MACROD2: variants seen among roughly 807,000 people sequenced by gnomAD.
MACROD2 encodes ADP-ribose glycohydrolase MACROD2.
Under a neutral mutation model 70.4 loss-of-function variants are expected in MACROD2, and 36 were observed. That is an observed-to-expected ratio of 0.51 (90% CI 0.39 to 0.68). The LOEUF (loss-of-function observed/expected upper bound fraction) is 0.68, where lower values mean the gene tolerates loss of function less well. Among genes scored for constraint, MACROD2 ranks in the 30% least tolerant of loss-of-function variants. The pLI is 0.00. For missense variants in MACROD2, 496 were observed against 538.4 expected (o/e 0.92, Z 0.78); for synonymous variants, 172 against 178.8 (o/e 0.96, Z 0.30).
chr20:15,914,071 T>A (rs1462381989), intron 10 of MACROD2, among the ~76,000 whole-genome samples: 5 of 152,210 alleles, frequency 3.3e-5, no homozygotes, highest in Non-Finnish European at 7.3e-5. Context: ...GTAGTGGACA[T>A]GGTAATAAAA....
rs3827082 is a variant in MACROD2 at position 15,894,658 on chromosome 20, T to C, written c.775+8847T>C. Reference sequence around the variant, plus strand: ...AAGGAGGAATATTTCCTACTGACAATGAAGAGTAGAAATAGCATGTGTACT... The same window carrying C: ...AAGGAGGAATATTTCCTACTGACAACGAAGAGTAGAAATAGCATGTGTACT... On this transcript the variant is annotated intron_variant, in intron 10 of 17. Transcript: ENST00000684519. Among the ~76,000 whole-genome samples the C allele has an allele frequency of 4.6e-5, 7 of 152,284 alleles. No individual in the cohort carries two copies. The East Asian group carries it at 1.4e-3, about 29-fold the overall frequency.
At chr20:14,283,990 T>G (rs6079381) in intron 3 of MACROD2, among the ~76,000 whole-genome samples, 134,859 of 152,256 alleles carry the variant, frequency 0.89, 59,957 homozygotes, top group Non-Finnish European at 0.92. Flanking sequence ...TGGGAATTTT[T>G]ATCATTGTCA....
At chr20:14,757,056 C>A (rs1221495983) in intron 5 of MACROD2, among the ~76,000 whole-genome samples, 1 of 152,128 alleles carries the variant, frequency 6.6e-6, no homozygotes, top group African/African-American at 2.4e-5. Context: ...ATTACCCAAT[C>A]TCAGATATTT....
chr20:15,821,188 G>A (rs2063934642), intron 8 of MACROD2, among the ~76,000 whole-genome samples: 1 of 151,866 alleles, frequency 6.6e-6, no homozygotes. Context: ...TTAAAGCATT[G>A]CTTGTCTTCA....
chr20:14,089,566 C>T lies in MACROD2; in HGVS notation c.271+3838C>T, dbSNP rs536886025. Among the ~76,000 whole-genome samples the T allele has an allele frequency of 3.3e-5, 5 of 152,192 alleles. No individual in the cohort carries two copies. The East Asian group carries it at 9.6e-4, about 29-fold the overall frequency. On this transcript the variant is annotated intron_variant, in intron 3 of 17. Transcript: ENST00000684519. Reference sequence around the variant, plus strand: ...AAAGTGTTTTTTGAACTACCTTAACCTCTTTAAATGTGACCCAGGGTGGAC... The same window carrying T: ...AAAGTGTTTTTTGAACTACCTTAACTTCTTTAAATGTGACCCAGGGTGGAC...
At chr20:14,157,047 T>G (rs2055113311) in intron 3 of MACROD2, among the ~76,000 whole-genome samples, 1 of 152,216 alleles carries the variant, frequency 6.6e-6, no homozygotes, top group African/African-American at 2.4e-5. Flanking sequence ...GTTCCAATTC[T>G]TGAAAGAAAC....
chr20:14,327,177 A>G (rs1301034926), intron 3 of MACROD2: 2 of 1,613,646 alleles, frequency 1.2e-6, no homozygotes, highest in Non-Finnish European at 1.7e-6. Flanking sequence ...TTTCTTGCAA[A>G]TGTAACTCTT....
In MACROD2 at chr20:14,789,460, ATTTTTTTTTTT is replaced by A. The variant is rs3045609; in HGVS notation, c.418+104523_418+104533del. On this transcript the variant is annotated intron_variant, in intron 5 of 17. Coordinates refer to ENST00000684519, the MANE Select transcript of MACROD2 (RefSeq NM_001351661.2). Reference sequence around the variant, plus strand: ...CTTGTGGATTAATCAGGTAGTGCAAATTTTTTTTTTTTTTTTTTTTTTTTTTTTTTTTGAGA... The same window carrying A: ...CTTGTGGATTAATCAGGTAGTGCAAATTTTTTTTTTTTTTTTTTTTTGAGA... 2.3e-4 allele frequency among the ~76,000 whole-genome samples: 11 copies of A among 48,362 alleles called. No homozygotes were observed. The East Asian group carries it at 4.1e-3, about 18-fold the overall frequency. The allele number at this position is 48,362 out of a possible 152,430, so 31.7% of individuals were successfully genotyped here. A position where few individuals can be genotyped will look rare whatever the true frequency, so the allele number is the denominator to read the frequency against.
At chr20:15,927,978 A>G (rs1252339864) in intron 10 of MACROD2, among the ~76,000 whole-genome samples, 2 of 152,216 alleles carry the variant, frequency 1.3e-5, no homozygotes, top group Admixed American at 6.5e-5. Flanking sequence ...ACTGTGAACT[A>G]AAGAGACACA....
At position 15,062,740 on chromosome 20, in the gene MACROD2, T is replaced by A. The variant is rs144581102; in HGVS notation, c.419-167200T>A. Reference sequence around the variant, plus strand: ...ACAACAGTGAACAAAGCAGATCAAGTTCTTGACCTCACAGAGCTTTGATTC... The same window carrying A: ...ACAACAGTGAACAAAGCAGATCAAGATCTTGACCTCACAGAGCTTTGATTC... On this transcript the variant is annotated intron_variant, in intron 5 of 17. Transcript: ENST00000684519. Among the ~76,000 whole-genome samples, 226 of 152,272 alleles carry A rather than the reference T, an allele frequency of 1.5e-3. 1 individual carries two copies. The highest frequency in any genetic ancestry group is 4.9e-3 in the African/African-American group (204 of 41,564).
At chr20:15,684,455 C>A (rs2050200866) in intron 8 of MACROD2, among the ~76,000 whole-genome samples, 2 of 152,202 alleles carry the variant, frequency 1.3e-5, no homozygotes, top group Admixed American at 6.5e-5. Context: ...TTGAAGTGAG[C>A]AGACTAGGAC....
At chr20:15,192,072 C>T (rs1282907865) in intron 5 of MACROD2, among the ~76,000 whole-genome samples, 1 of 148,598 alleles carries the variant, frequency 6.7e-6, no homozygotes, top group Non-Finnish European at 1.5e-5. Context: ...CTAAAACTCT[C>T]TCTCTCTCCA....
At chr20:14,145,948 A>C (rs1053325284) in intron 3 of MACROD2, among the ~76,000 whole-genome samples, 1 of 152,152 alleles carries the variant, frequency 6.6e-6, no homozygotes, top group Non-Finnish European at 1.5e-5. Flanking sequence ...TGCCTGGGAG[A>C]CTATTGTTTT....
chr20:14,773,176 G>A (rs6034037), intron 5 of MACROD2, among the ~76,000 whole-genome samples: 4,483 of 152,140 alleles, frequency 0.029, 192 homozygotes, highest in East Asian at 0.11. Context: ...AGACTGAGCA[G>A]TATATTTTTG....
intron 5 of MACROD2, among the ~76,000 whole-genome samples, chr20:15,052,892 G>C (rs2075454045): frequency 6.6e-6 from 1 of 152,224 alleles, no homozygotes; most frequent in Non-Finnish European, 1.5e-5. Context: ...AATTAAAACT[G>C]CTATTCCAGT....
chr20:15,045,102 G>A (rs1433614252), intron 5 of MACROD2, among the ~76,000 whole-genome samples: 4 of 151,928 alleles, frequency 2.6e-5, no homozygotes, highest in African/African-American at 9.7e-5. Context: ...GTTTCTAAGA[G>A]AACCTAACAG....
chr20:14,055,285 C>CT (rs1052291799), intron 2 of MACROD2, among the ~76,000 whole-genome samples: 4 of 151,794 alleles, frequency 2.6e-5, no homozygotes, highest in Admixed American at 2.0e-4. Context: ...TACTCTGGTT[C>CT]TTTTTTTTGT....
chr20:14,367,269 A>G (rs568630349), intron 3 of MACROD2, among the ~76,000 whole-genome samples: 2 of 152,294 alleles, frequency 1.3e-5, no homozygotes, highest in African/African-American at 2.4e-5. Flanking sequence ...TGTTTTATGC[A>G]TCTGTCTTTT....
At chr20:15,042,245 GA>G (rs544130061) in intron 5 of MACROD2, among the ~76,000 whole-genome samples, 2 of 151,744 alleles carry the variant, frequency 1.3e-5, no homozygotes, top group South Asian at 2.1e-4. Flanking sequence ...GAAAATGCAG[GA>G]AAAAAAAGGT....
Sources: gnomAD v4.1 joint callset for allele counts (sites outside exome capture counted in the v4.1 genomes callset) on GRCh38, gnomAD v4.1.1 for gene constraint, MANE v1.5 for transcripts, NCBI Gene and HGNC (gene_info 2026-07-23, HGNC 2026-07-21) for gene names.